The following MYO5B variants were observed in gnomAD, a reference collection of about 807,000 sequenced individuals.
The protein encoded by MYO5B is unconventional myosin-Vb.
In MYO5B, 143 loss-of-function variants were observed where a neutral mutation model predicts 229.3. The observed-to-expected ratio is 0.62, with a 90% CI of 0.54 to 0.72. The LOEUF (loss-of-function observed/expected upper bound fraction) is 0.72. Ranked by LOEUF, MYO5B falls within the 30% of genes least tolerant of loss-of-function variation. The probability of loss-of-function intolerance (pLI) is 0.00; values close to 1 mark genes in which losing one functional copy is unlikely to be tolerated. For missense variants in MYO5B, 2,321 were observed against 2,331.0 expected, an observed-to-expected ratio of 1.00 and a Z score of 0.09; for synonymous variants, 918 against 885.2, an observed-to-expected ratio of 1.04 and a Z score of -0.66.
intron 28 of MYO5B, 135 bp from the exon 29 acceptor site, chr18:49,863,462 C>G (rs557024839): frequency 1.2e-5 from 9 of 760,456 alleles, no homozygotes; most frequent in South Asian, 1.0e-4. Context: ...CACAATCAAA[C>G]CCACGCCAGG....
chr18:49,839,606 T>TG (rs2024032434), intron 35 of MYO5B, among the ~76,000 whole-genome samples: 1 of 152,228 alleles, frequency 6.6e-6, no homozygotes, highest in Non-Finnish European at 1.5e-5. Context: ...AAGGGATCCC[T>TG]GCTTTTTCCC....
chr18:49,955,458 G>GC (rs1201071681), intron 12 of MYO5B, among the ~76,000 whole-genome samples: 1 of 152,160 alleles, frequency 6.6e-6, no homozygotes, highest in Non-Finnish European at 1.5e-5. Flanking sequence ...TAACTGACCT[G>GC]CCCTTCTTTG....
chr18:50,005,037 C>G (rs74881178), intron 4 of MYO5B, among the ~76,000 whole-genome samples: 2,973 of 152,284 alleles, frequency 0.02, 92 homozygotes, highest in African/African-American at 0.067. Context: ...GAAGCCCAAG[C>G]TCTTCTAAGT....
At chr18:49,874,721 C>A (rs933779325) in intron 26 of MYO5B, among the ~76,000 whole-genome samples, 4 of 152,146 alleles carry the variant, frequency 2.6e-5, no homozygotes, top group African/African-American at 9.7e-5. Context: ...TAATTCAGGC[C>A]TGAGAACATA....
chr18:49,877,923 T>C (rs576982256), intron 24 of MYO5B, 41 bp from the exon 25 acceptor site: 1 of 1,613,576 alleles, frequency 6.2e-7, no homozygotes, highest in South Asian at 1.1e-5. Flanking sequence ...TAGGAACTAA[T>C]GTTCATGAGA....
At chr18:50,042,684 T>C (rs1048468370) in intron 2 of MYO5B, among the ~76,000 whole-genome samples, 1 of 152,156 alleles carries the variant, frequency 6.6e-6, no homozygotes, top group Non-Finnish European at 1.5e-5. Flanking sequence ...CTTAGCAGGA[T>C]TCTAATCAGA....
chr18:50,085,813 G>A (rs1007621409), intron 1 of MYO5B, among the ~76,000 whole-genome samples: 5 of 151,944 alleles, frequency 3.3e-5, no homozygotes, highest in African/African-American at 1.2e-4. Context: ...ACTATCACAA[G>A]GACGAAAAAC....
intron 14 of MYO5B, among the ~76,000 whole-genome samples, chr18:49,944,849 G>A (rs997665464): frequency 2.0e-5 from 3 of 152,134 alleles, no homozygotes; most frequent in Admixed American, 6.5e-5. Context: ...GACAGACACC[G>A]CCTTCCACGC....
chr18:50,174,464 C>T (rs1208053865), intron 1 of MYO5B, among the ~76,000 whole-genome samples: 2 of 152,162 alleles, frequency 1.3e-5, no homozygotes, highest in Non-Finnish European at 1.5e-5. Context: ...TATTTTGCAT[C>T]GTGAGTTTGA....
rs78768921 is a variant in MYO5B, at chr18:49,999,488, A to G, written c.612+1767T>C. ...AGAAAAGAAGGAGTCAAATTATGGT[A>G]AAGCCATTTATTAATCTATGTTTGC... is the stretch of plus-strand genomic sequence containing the variant. On this transcript the variant is annotated intron_variant, in intron 5 of 39. Transcript: ENST00000285039. 4.4e-4 allele frequency among the ~76,000 whole-genome samples: 67 copies of G among 152,356 alleles called. No homozygotes were observed. In the East Asian group the frequency reaches 0.013, roughly 29 times the overall value.
chr18:49,846,814 T>C (rs607374), intron 33 of MYO5B, among the ~76,000 whole-genome samples: 100,075 of 151,122 alleles, frequency 0.66, 33,390 homozygotes, highest in Admixed American at 0.77. Context: ...CACTGTGGCC[T>C]GCAGAGAGCT....
chr18:49,992,154 A>C (rs2025940062), intron 6 of MYO5B, 134 bp downstream of exon 6: 3 of 1,274,056 alleles, frequency 2.4e-6, no homozygotes, highest in African/African-American at 1.5e-5. Context: ...AAAGATAAGA[A>C]CCAAAAGAAC....
At chr18:50,078,283 C>T (rs142997634) in intron 1 of MYO5B, among the ~76,000 whole-genome samples, 4 of 152,260 alleles carry the variant, frequency 2.6e-5, no homozygotes, top group East Asian at 1.9e-4. Context: ...AGATTAGGTG[C>T]CTTTCGATCA....
intron 16 of MYO5B, among the ~76,000 whole-genome samples, chr18:49,935,951 C>T (rs2025244601): frequency 6.6e-6 from 1 of 152,246 alleles, no homozygotes; most frequent in East Asian, 1.9e-4. Context: ...GAATTTAACA[C>T]TTGCTGTGAG....
chr18:50,109,281 AAC>A (rs2031820002), intron 1 of MYO5B, among the ~76,000 whole-genome samples: 1 of 152,304 alleles, frequency 6.6e-6, no homozygotes, highest in South Asian at 2.1e-4. Flanking sequence ...CAGCAGGAAA[AAC>A]CATGAGTGCT....
intron 22 of MYO5B, among the ~76,000 whole-genome samples, chr18:49,889,933 T>G (rs2024689817): frequency 6.6e-6 from 1 of 152,256 alleles, no homozygotes; most frequent in Non-Finnish European, 1.5e-5. Flanking sequence ...GTCTCCCTCT[T>G]TGATTCATGA....
chr18:50,164,299 T>G (rs1029589381), intron 1 of MYO5B, among the ~76,000 whole-genome samples: 4 of 152,256 alleles, frequency 2.6e-5, no homozygotes, highest in African/African-American at 9.6e-5. Flanking sequence ...ATATGCCTTG[T>G]TATGGGTGGC....
At chr18:50,177,393 G>A (rs567934928) in intron 1 of MYO5B, among the ~76,000 whole-genome samples, 9 of 152,252 alleles carry the variant, frequency 5.9e-5, no homozygotes, top group Admixed American at 3.3e-4. Context: ...GCTTGTAAAC[G>A]TTTATGTTTT....
chr18:49,990,401 G>C, intron 7 of MYO5B, 38 bp downstream of exon 7: 2 of 1,554,160 alleles, frequency 1.3e-6, no homozygotes, highest in Non-Finnish European at 8.9e-7. Flanking sequence ...TGGAGCAGTA[G>C]CCCACCCCAG....
Sources: allele counts gnomAD v4.1 joint callset (sites outside exome capture counted in the v4.1 genomes callset), GRCh38; gene constraint gnomAD v4.1.1; transcripts MANE v1.5; gene names NCBI Gene and HGNC (gene_info 2026-07-23, HGNC 2026-07-21).